Variants in E4F1 observed in about 807,000 individuals in gnomAD.
The protein encoded by E4F1 is transcription factor E4F1.
In E4F1, 30 loss-of-function variants were observed where a neutral mutation model predicts 72.9. The ratio of observed to expected loss-of-function variants is 0.41; its 90% CI spans 0.31 to 0.56. E4F1 has a LOEUF of 0.56. E4F1 is among the 20% of genes least tolerant of loss of function. The probability of loss-of-function intolerance (pLI) is 0.25; values close to 1 mark genes in which losing one functional copy is unlikely to be tolerated. For synonymous variants in E4F1, 542 were observed against 478.2 expected, an observed-to-expected ratio of 1.13 and a Z score of -1.74; for missense variants, 1,091 against 1,117.5, an observed-to-expected ratio of 0.98 and a Z score of 0.34.
chr16:2,226,548 C>T (rs1480478907), intron 1 of E4F1, among the ~76,000 whole-genome samples: 1 of 152,206 alleles, frequency 6.6e-6, no homozygotes, highest in Non-Finnish European at 1.5e-5. Flanking sequence ...TTGCCCAGCT[C>T]CTTCGGGCAT....
At chr16:2,229,927 C>G (rs2093456951) in intron 3 of E4F1, 1 of 465,354 alleles carries the variant, frequency 2.1e-6, no homozygotes, top group Middle Eastern at 6.1e-4. Context: ...TGTGCTCTCT[C>G]CCGTCAGCTT....
At chr16:2,233,303 AG>A in intron 7 of E4F1, 120 bp downstream of exon 7, 1 of 1,449,386 alleles carries the variant, frequency 6.9e-7, no homozygotes, top group South Asian at 1.4e-5. Context: ...GGCTTCCCAC[AG>A]GGAGAGCAGG....
chr16:2,232,715 C>T, intron 5 of E4F1, 41 bp from the exon 6 acceptor site: 2 of 1,610,746 alleles, frequency 1.2e-6, no homozygotes, highest in Middle Eastern at 1.7e-4. Context: ...TTGTCGCCAG[C>T]CTGCTGGGGC....
At chr16:2,234,504 C>T (rs1567305072) in intron 10 of E4F1, 79 bp from the exon 11 acceptor site, 1 of 1,559,162 alleles carries the variant, frequency 6.4e-7, no homozygotes, top group Non-Finnish European at 8.7e-7. Flanking sequence ...CCAGCCCCTC[C>T]CTTGGGCCAC....
rs199776709 is a variant in E4F1 at position 2,233,950 on chromosome 16, G to A, written c.1335G>A (p.Pro445=). 3.3e-4 allele frequency: 526 copies of A among 1,601,630 alleles called. 1 individual carries two copies. The highest frequency in any genetic ancestry group is 6.3e-4 in the South Asian group (56 of 89,284). ...GTCCTCAGTGCAGTGAGACCTTCCC[G>A]ACAGCAGCCACCCTGGAGGCCCACA... ...HPCPQCSETF[P]TAATLEAHKR... Residue 445 remains proline, a synonymous_variant, in exon 9 of 14, where the codon CCG becomes CCA. Coordinates refer to ENST00000301727, the MANE Select transcript of E4F1 (RefSeq NM_004424.5).
At chr16:2,230,161 G>A (rs906290602) in intron 3 of E4F1, 47 of 182,668 alleles carry the variant, frequency 2.6e-4, no homozygotes, top group Non-Finnish European at 2.4e-5. Context: ...CCTCCCCAGT[G>A]CTCCCTCTGG....
chr16:2,224,434 A>T (rs2093419048), intron 1 of E4F1, among the ~76,000 whole-genome samples: 2 of 152,216 alleles, frequency 1.3e-5, no homozygotes, highest in South Asian at 4.1e-4. Context: ...CAGTCCTGAC[A>T]GGTGGATGTT....
At chr16:2,233,398 A>G in intron 7 of E4F1, 40 bp from the exon 8 acceptor site, 1 of 1,490,034 alleles carries the variant, frequency 6.7e-7, no homozygotes, top group Non-Finnish European at 8.9e-7. Context: ...GCTGGATGCC[A>G]GGCTGCCTGG....
Position 2,229,777 on chromosome 16 carries a change from G to C in E4F1, c.415+102G>C. 3 of 1,341,496 alleles carry C rather than the reference G, an allele frequency of 2.2e-6. No individual in the cohort carries two copies. In the South Asian group the frequency reaches 3.7e-5, roughly 17 times the overall value. 83.1% of individuals were successfully genotyped at this position (1,341,496 alleles called of 1,614,324 possible). On this transcript the variant is annotated intron_variant, in intron 3 of 13. Coordinates refer to ENST00000301727, the MANE Select transcript of E4F1 (RefSeq NM_004424.5). ...TATGCTCGTCTCTCCCGAGACCAGG[G>C]CCTGGCTGGGAGGGGCCGCGGCCTC...
rs1333126483 is a variant in E4F1 at position 2,235,635 on chromosome 16, A to T, written c.*63A>T. On this transcript the variant is annotated 3_prime_UTR_variant, in exon 14 of 14. Coordinates refer to ENST00000301727, the MANE Select transcript of E4F1 (RefSeq NM_004424.5). ...GCAGAGGACTCTGAGCGCCCCACCC[A>T]TGCCTGCCTGGCCTGGTAGAGAAGA... The T allele has an allele frequency of 3.5e-6, 5 of 1,410,724 alleles. No homozygotes were observed. The highest frequency in any genetic ancestry group is 1.4e-5 in the African/African-American group (1 of 69,982). 87.4% of individuals were successfully genotyped at this position (1,410,724 alleles called of 1,614,324 possible). A position where few individuals can be genotyped will look rare whatever the true frequency, so the allele number is the denominator to read the frequency against.
chr16:2,223,769 A>G lies in E4F1; in HGVS notation c.156A>G (p.Glu52=), dbSNP rs2093413276. The stretch of plus-strand genomic sequence containing the variant: ...GCCTCCCGGCGCCCTTCAGCGAGGA[A>G]GGTAACCGGGCCGACCCGGAGGGTG... The part of the protein sequence containing the change: ...FLGLPAPFSE[E]DEDDVHRCGR... Residue 52 remains glutamate, a splice_region_variant and synonymous_variant, in exon 1 of 14, where the codon GAA becomes GAG. Transcript: ENST00000301727. 2 of 1,536,356 alleles carry G rather than the reference A, an allele frequency of 1.3e-6. No individual in the cohort carries two copies. The highest frequency in any genetic ancestry group is 1.7e-6 in the Non-Finnish European group (2 of 1,151,984).
intron 10 of E4F1, 56 bp downstream of exon 10, chr16:2,234,444 C>T (rs952796388): frequency 3.1e-5 from 50 of 1,600,294 alleles, no homozygotes; most frequent in Admixed American, 1.5e-4. Context: ...GCTCCCTGGC[C>T]GTGGCCCAGG....
chr16:2,226,121 G>T (rs2093431380), intron 1 of E4F1, among the ~76,000 whole-genome samples: 1 of 152,118 alleles, frequency 6.6e-6, no homozygotes, highest in African/African-American at 2.4e-5. Context: ...ATGCAGATTG[G>T]GTCAGACAGG....
At chr16:2,227,063 C>T (rs185139637) in intron 1 of E4F1, among the ~76,000 whole-genome samples, 24 of 152,324 alleles carry the variant, frequency 1.6e-4, no homozygotes, top group Admixed American at 1.4e-3. Context: ...TCTTTTAAGG[C>T]AGGGTCTTGC....
chr16:2,230,039 C>T (rs759384762), intron 3 of E4F1: 1 of 282,642 alleles, frequency 3.5e-6, no homozygotes, highest in Non-Finnish European at 7.2e-6. Context: ...CCACCAGGCA[C>T]CCACCAGAAT....
chr16:2,228,861 GCA>G (rs2093448541), intron 2 of E4F1, among the ~76,000 whole-genome samples: 1 of 152,236 alleles, frequency 6.6e-6, no homozygotes, highest in Non-Finnish European at 1.5e-5. Context: ...TCTGTCCTGT[GCA>G]CACAGTCCCT....
chr16:2,233,954 G>A lies in E4F1; in HGVS notation c.1339G>A (p.Ala447Thr). Residue 447 changes from alanine (A) to threonine (T), a missense_variant, in exon 9 of 14, where the codon GCA (alanine) becomes ACA (threonine). Physicochemically the swap from Ala to Thr is moderately conservative, Grantham distance 58. Around this residue, in one of 5 missense-constraint regions of E4F1, gnomAD observed 622 missense variants for 628.0 expected, o/e 0.99. Transcript: ENST00000301727. ...TCAGTGCAGTGAGACCTTCCCGACA[G>A]CAGCCACCCTGGAGGCCCACAAGAG... ...CPQCSETFPT[A>T]ATLEAHKRGH... 2 of 1,601,142 alleles carry A rather than the reference G, an allele frequency of 1.2e-6. No individual in the cohort carries two copies. The highest frequency in any genetic ancestry group is 1.7e-6 in the Non-Finnish European group (2 of 1,174,212).
rs374841967 is a variant in E4F1, at chr16:2,223,624, C to G, written c.11C>G (p.Ala4Gly). The G allele has an allele frequency of 1.9e-6, 3 of 1,589,330 alleles. No homozygotes were observed. Among genetic ancestry groups the G allele is most frequent in the Non-Finnish European group, 2.6e-6 (3 of 1,173,448 alleles). MEG[A>G]MAVRVTAAHT... ...GCGGCGCGTTGCGACATGGAGGGCGCGATGGCAGTGCGGGTGACGGCCGCT... is the reference window on the plus strand; with the variant it reads ...GCGGCGCGTTGCGACATGGAGGGCGGGATGGCAGTGCGGGTGACGGCCGCT... The change falls in exon 1 of 14, where the codon GCG becomes GGG. Residue 4 changes from alanine to glycine, a missense_variant. Physicochemically the swap from Ala to Gly is moderately conservative, Grantham distance 60 (BLOSUM62 0). Transcript: ENST00000301727.
At chr16:2,234,815 G>C in intron 11 of E4F1, 34 bp downstream of exon 11, 1 of 1,543,366 alleles carries the variant, frequency 6.5e-7, no homozygotes, top group Admixed American at 2.0e-5. Context: ...GGGGAGGGGA[G>C]GGGGCCGGGG....
Sources: gnomAD v4.1 joint callset for allele counts (sites outside exome capture counted in the v4.1 genomes callset) on GRCh38, gnomAD v4.1.1 for gene constraint, gnomAD v4.1.1 regional missense constraint, MANE v1.5 for transcripts, NCBI Gene and HGNC (gene_info 2026-07-23, HGNC 2026-07-21) for gene names.